Variants in INO80D observed in about 807,000 individuals in gnomAD.
INO80D encodes INO80 complex subunit D.
A neutral mutation model predicts 87.6 loss-of-function variants in INO80D; 21 were observed. The ratio of observed to expected loss-of-function variants is 0.24; its 90% confidence interval spans 0.17 to 0.35. INO80D has a LOEUF of 0.35. Among genes scored for constraint, INO80D ranks in the 10% least tolerant of loss-of-function variants. The pLI, the probability that INO80D is intolerant of heterozygous loss-of-function variation, is 1.00. For synonymous variants in INO80D, 440 were observed against 491.0 expected, an observed-to-expected ratio of 0.90 and a Z score of 1.37; for missense variants, 982 against 1,280.7, an observed-to-expected ratio of 0.77 and a Z score of 3.56.
rs1297564136 is a variant in INO80D at position 205,994,780 on chromosome 2, A to C, written c.*9588T>G. 6.6e-6 allele frequency: 1 copy of C among 151,990 alleles called. No individual in the cohort carries two copies. Among genetic ancestry groups the C allele is most frequent in the Non-Finnish European group, 1.5e-5 (1 of 68,014 alleles). The allele number at this position is 151,990 out of a possible 1,614,324, so 9.4% of individuals were successfully genotyped here. ...AATCGTTCTTCCTTAATAGTCTTGC[A>C]TTCAGTGTGTCAAATTGATGTACTA... On this transcript the variant is annotated 3_prime_UTR_variant, in exon 11 of 11. Coordinates refer to ENST00000403263, the MANE Select transcript of INO80D (RefSeq NM_017759.5).
chr2:206,042,672 CTT>C (rs1276280139), intron 5 of INO80D, among the ~76,000 whole-genome samples: 1 of 116,120 alleles, frequency 8.6e-6, no homozygotes, highest in Non-Finnish European at 1.9e-5. Flanking sequence ...CAGAGCGAGA[CTT>C]TGTCTCAAAA....
chr2:206,023,525 T>C (rs997504750), intron 6 of INO80D, among the ~76,000 whole-genome samples: 1 of 150,992 alleles, frequency 6.6e-6, no homozygotes, highest in African/African-American at 2.4e-5. Flanking sequence ...CCACTAAAAA[T>C]ACAAAAAATT....
chr2:206,019,746 A>G lies in INO80D; in HGVS notation c.1398T>C (p.His466=), dbSNP rs1453956811. 6 of 1,613,174 alleles carry G rather than the reference A, an allele frequency of 3.7e-6. No individual in the cohort carries two copies. In the South Asian group the frequency reaches 4.4e-5, roughly 12 times the overall value. ...TAGTTGAAAGGATACGTTGGAAACA[A>G]TGTCTGGTGAATGGAAGGGCTTTGT... ...CANKALPFTR[H]CFQHILLNHS... is the part of the protein sequence containing the mutation. Residue 466 remains histidine (H), a synonymous_variant, in exon 7 of 11, where the codon CAT becomes CAC. Transcript: ENST00000403263.
Position 206,004,842 on chromosome 2 carries a change from G to C in INO80D, c.2610C>G (p.His870Gln). 1.2e-6 allele frequency: 2 copies of C among 1,614,074 alleles called. No individual in the cohort carries two copies. Among genetic ancestry groups the C allele is most frequent in the Non-Finnish European group, 8.5e-7 (1 of 1,179,902 alleles). Residue 870 changes from histidine to glutamine, a missense_variant, in exon 11 of 11, where the codon CAC (histidine) becomes CAG (glutamine). His to Gln is a conservative substitution (Grantham distance 24). Coordinates refer to ENST00000403263, the MANE Select transcript of INO80D (RefSeq NM_017759.5). This position sits in a 1 kb window ranked among gnomAD's most constrained non-coding sequence, Gnocchi z 4.9. ...FSAEMPIMAQ[H>Q]LLPTQLEVPL... ...GCACCTCAAGTTGGGTTGGGAGCAA[G>C]TGCTGCGCCATGATGGGCATCTCTG...
At chr2:206,059,941 T>C (rs1370415668) in intron 3 of INO80D, among the ~76,000 whole-genome samples, 2 of 152,182 alleles carry the variant, frequency 1.3e-5, no homozygotes, top group African/African-American at 2.4e-5. Context: ...TGGTGGCTCA[T>C]GTCTATAATC....
intron 1 of INO80D, among the ~76,000 whole-genome samples, chr2:206,068,690 A>G (rs1477654259): frequency 1.3e-5 from 2 of 151,698 alleles, no homozygotes; most frequent in Non-Finnish European, 2.9e-5. Context: ...TTTACTTTTG[A>G]GCAATTTTTT....
In INO80D at chr2:206,005,456, C is replaced by T; in HGVS notation, c.1996G>A (p.Glu666Lys). The change falls in exon 11 of 11, where the codon GAG (glutamate) becomes AAG (lysine). Residue 666 changes from glutamate (E) to lysine (K), a missense_variant. Physicochemically the swap from Glu to Lys is moderately conservative, Grantham distance 56. Transcript: ENST00000403263. ...ERALQAVTSLECLSTIGVLAQ... is the reference protein window; with the variant it reads ...ERALQAVTSLKCLSTIGVLAQ... ...AGGACCCCAATGGTACTCAGGCACT[C>T]GAGAGAAGTTACAGCCTGCAAGGCC... 3 of 1,613,902 alleles carry T rather than the reference C, an allele frequency of 1.9e-6. No individual in the cohort carries two copies. Among genetic ancestry groups the T allele is most frequent in the Non-Finnish European group, 2.5e-6 (3 of 1,179,888 alleles).
At chr2:206,010,503 C>T (rs1688143184) in intron 8 of INO80D, among the ~76,000 whole-genome samples, 1 of 152,144 alleles carries the variant, frequency 6.6e-6, no homozygotes, top group South Asian at 2.1e-4. Flanking sequence ...TCACTGGCAA[C>T]ATTTTTTTTC....
chr2:206,019,871 A>T, intron 6 of INO80D, 26 bp from the exon 7 acceptor site: 1 of 1,530,858 alleles, frequency 6.5e-7, no homozygotes. Context: ...CAGAGAATTA[A>T]TTTTTTTTTA....
intron 5 of INO80D, chr2:206,040,576 C>A: frequency 7.6e-6 from 2 of 262,900 alleles, no homozygotes; most frequent in East Asian, 1.0e-4. Flanking sequence ...TGGAATTGAT[C>A]GCTATCCCTG....
Position 206,009,706 on chromosome 2 carries a change from G to A in INO80D, c.1631C>T (p.Thr544Ile), listed in dbSNP as rs1688119403. ...PRKKTKPPALTKKHKKKRRRG... is the reference protein window; with the variant it reads ...PRKKTKPPALIKKHKKKRRRG... ...CCTTCTCTTCTTCTTGTGTTTTTTG[G>A]TTAGTGCAGGAGGCTTGGTTTTTTT... The change falls in exon 9 of 11, where the codon ACC (threonine) becomes ATC (isoleucine). Residue 544 changes from threonine to isoleucine, a missense_variant. Thr to Ile is a moderately conservative substitution (Grantham distance 89, BLOSUM62 -1). Coordinates refer to ENST00000403263, the MANE Select transcript of INO80D (RefSeq NM_017759.5). 5 of 1,613,800 alleles carry A rather than the reference G, an allele frequency of 3.1e-6. No individual in the cohort carries two copies. Among genetic ancestry groups the A allele is most frequent in the Non-Finnish European group, 3.4e-6 (4 of 1,179,880 alleles).
Position 206,025,397 on chromosome 2 carries a change from G to A in INO80D, c.1298+2714C>T, listed in dbSNP as rs560142711. Among the ~76,000 whole-genome samples, 534 of 150,644 alleles carry A rather than the reference G, an allele frequency of 3.5e-3. 1 individual carries two copies. Among genetic ancestry groups the A allele is most frequent in the Middle Eastern group, 0.014 (4 of 292 alleles). On this transcript the variant is annotated intron_variant, in intron 6 of 10. Transcript: ENST00000403263. ...ACAAAAATTAGCCAAGCGTGGTGGC[G>A]GGTGCCTGTAGTCCAAGCTACTCAG...
intron 5 of INO80D, among the ~76,000 whole-genome samples, chr2:206,043,564 T>C (rs1689111309): frequency 1.3e-5 from 2 of 151,804 alleles, no homozygotes; most frequent in Non-Finnish European, 1.5e-5. Context: ...CTCGGCTCAC[T>C]GCAAGCTCCG....
At chr2:206,078,193 G>GC (rs1690175691) in intron 1 of INO80D, among the ~76,000 whole-genome samples, 1 of 151,896 alleles carries the variant, frequency 6.6e-6, no homozygotes, top group Non-Finnish European at 1.5e-5. Context: ...CGAGGCAGGT[G>GC]CATCACCTGA....
chr2:206,016,592 T>C (rs1409583740), intron 8 of INO80D, among the ~76,000 whole-genome samples: 2 of 152,228 alleles, frequency 1.3e-5, no homozygotes, highest in Non-Finnish European at 2.9e-5. Context: ...AATGTGAAGA[T>C]ATGCTATTTG....
intron 4 of INO80D, among the ~76,000 whole-genome samples, chr2:206,054,025 A>G (rs1292244997): frequency 6.6e-6 from 1 of 152,044 alleles, no homozygotes; most frequent in Non-Finnish European, 1.5e-5. Flanking sequence ...TTTTTAGTAG[A>G]GACAGGGTTT....
chr2:206,025,542 A>AAAATATATATATATATATATATAT (rs71301548), intron 6 of INO80D: 1 of 76,946 alleles, frequency 1.3e-5, no homozygotes, highest in Non-Finnish European at 2.6e-5. Context: ...AAAAAAAAAA[A>AAAATATATATATATATATATATAT]ATATATATAT....
At chr2:206,069,811 T>C (rs1689912479) in intron 1 of INO80D, among the ~76,000 whole-genome samples, 1 of 152,202 alleles carries the variant, frequency 6.6e-6, no homozygotes, top group Middle Eastern at 3.2e-3. Context: ...TTTTTCCTGT[T>C]GTTGTTCTTA....
At chr2:206,022,656 A>G (rs773303094) in intron 6 of INO80D, among the ~76,000 whole-genome samples, 8 of 152,314 alleles carry the variant, frequency 5.3e-5, no homozygotes, top group Non-Finnish European at 1.2e-4. Flanking sequence ...CTTACTCATC[A>G]ATAAATACGA....
Sources: gnomAD v4.1 joint callset for allele counts (sites outside exome capture counted in the v4.1 genomes callset) on GRCh38, gnomAD v4.1.1 for gene constraint, Gnocchi (gnomAD v3.1) non-coding constraint, MANE v1.5 for transcripts, NCBI Gene and HGNC (gene_info 2026-07-23, HGNC 2026-07-21) for gene names.